The following MAGI2 variants were observed in gnomAD, a reference collection of about 807,000 sequenced individuals.
MAGI2 encodes membrane associated guanylate kinase, WW and PDZ domain containing 2, also known as membrane-associated guanylate kinase, WW and PDZ domain-containing protein 2.
In MAGI2, 35 loss-of-function variants were observed where a neutral mutation model predicts 133.3. The ratio of observed to expected loss-of-function variants is 0.26; its 90% CI spans 0.20 to 0.35. The LOEUF (loss-of-function observed/expected upper bound fraction) is 0.35. Ranked by LOEUF, MAGI2 falls within the 10% of genes least tolerant of loss-of-function variation. The pLI, the probability that MAGI2 is intolerant of heterozygous loss-of-function variation, is 1.00. For synonymous variants in MAGI2, 729 were observed against 710.6 expected, an observed-to-expected ratio of 1.03 and a Z score of -0.41; for missense variants, 1,636 against 1,863.4, an observed-to-expected ratio of 0.88 and a Z score of 2.25.
chr7:79,353,270 C>T (rs543515404), intron 1 of MAGI2: 5 of 325,380 alleles, frequency 1.5e-5, no homozygotes, highest in African/African-American at 1.1e-4. Context: ...CTTCTCAGCC[C>T]TGGCAGGGTG....
At chr7:78,049,960 C>T (rs578052236) in intron 21 of MAGI2, among the ~76,000 whole-genome samples, 2 of 152,164 alleles carry the variant, frequency 1.3e-5, no homozygotes, top group Non-Finnish European at 1.5e-5. Flanking sequence ...ATGAAATGCT[C>T]ACTCTAACAT....
chr7:78,928,320 A>G (rs549243132), intron 2 of MAGI2, among the ~76,000 whole-genome samples: 12 of 152,020 alleles, frequency 7.9e-5, no homozygotes, highest in African/African-American at 2.9e-4. Flanking sequence ...TATGACAAAG[A>G]GAGTCCCTTT....
intron 2 of MAGI2, among the ~76,000 whole-genome samples, chr7:79,003,008 A>G (rs142234889): frequency 6.6e-6 from 1 of 151,520 alleles, no homozygotes; most frequent in Non-Finnish European, 1.5e-5. Flanking sequence ...TGGGGCATGG[A>G]ACAGATTGAT....
In MAGI2 at chr7:78,656,564, G is replaced by A. The variant is rs569330091; in HGVS notation, c.419-29325C>T. Among the ~76,000 whole-genome samples the A allele has an allele frequency of 1.1e-4, 16 of 152,218 alleles. 1 individual carries two copies. In the South Asian group the frequency reaches 3.3e-3, roughly 32 times the overall value. Reference sequence around the variant, plus strand: ...GGGAAATGGGGAGATGCTGGTCAAAGAGTACAAAGTTGCAGTTATGTAAAA... The same window carrying A: ...GGGAAATGGGGAGATGCTGGTCAAAAAGTACAAAGTTGCAGTTATGTAAAA... On this transcript the variant is annotated intron_variant, in intron 2 of 21. Transcript: ENST00000354212.
intron 1 of MAGI2, chr7:79,409,855 T>C (rs1203037315): frequency 6.6e-6 from 1 of 152,162 alleles, no homozygotes; most frequent in South Asian, 2.1e-4. Flanking sequence ...TTAGTATTTT[T>C]TCTTATGAAA....
intron 6 of MAGI2, among the ~76,000 whole-genome samples, chr7:78,444,891 ATG>A (rs1787981688): frequency 6.9e-6 from 1 of 145,938 alleles, no homozygotes; most frequent in East Asian, 2.0e-4. Flanking sequence ...ATGTATACAT[ATG>A]TGTGTATATA....
At chr7:78,666,879 TC>T (rs1585022959) in intron 2 of MAGI2, among the ~76,000 whole-genome samples, 3 of 152,280 alleles carry the variant, frequency 2.0e-5, no homozygotes, top group Middle Eastern at 3.4e-3. Context: ...TATTGCTCTT[TC>T]TATTAACATC....
chr7:78,531,703 C>A (rs905414277), intron 3 of MAGI2, among the ~76,000 whole-genome samples: 1 of 152,158 alleles, frequency 6.6e-6, no homozygotes, highest in Non-Finnish European at 1.5e-5. Flanking sequence ...GAAAACTGAG[C>A]CTTTCAAGGA....
At chr7:79,265,586 G>A (rs938370331) in intron 1 of MAGI2, among the ~76,000 whole-genome samples, 2 of 152,114 alleles carry the variant, frequency 1.3e-5, no homozygotes, top group East Asian at 3.9e-4. Context: ...ATATGCATAT[G>A]TGTATGATCA....
At chr7:78,860,398 G>C (rs546421879) in intron 2 of MAGI2, among the ~76,000 whole-genome samples, 24 of 152,274 alleles carry the variant, frequency 1.6e-4, no homozygotes, top group Admixed American at 1.6e-3. Flanking sequence ...GGTCTTTGAT[G>C]ATGGTGACAT....
intron 2 of MAGI2, among the ~76,000 whole-genome samples, chr7:78,735,346 C>T (rs1377038193): frequency 6.6e-6 from 1 of 152,156 alleles, no homozygotes; most frequent in Non-Finnish European, 1.5e-5. Context: ...CAGATCTTCC[C>T]AGAAGTTTTA....
At chr7:78,978,668 G>A (rs1804504450) in intron 2 of MAGI2, among the ~76,000 whole-genome samples, 2 of 151,842 alleles carry the variant, frequency 1.3e-5, no homozygotes, top group Admixed American at 6.6e-5. Flanking sequence ...GTAGGTCAGA[G>A]GATCATAGGA....
At chr7:78,196,407 T>G (rs1828742995) in intron 11 of MAGI2, among the ~76,000 whole-genome samples, 1 of 152,262 alleles carries the variant, frequency 6.6e-6, no homozygotes, top group Non-Finnish European at 1.5e-5. Flanking sequence ...AAAAGTACAT[T>G]TAGTGAGTGA....
intron 16 of MAGI2, among the ~76,000 whole-genome samples, chr7:78,135,905 T>C (rs1822067054): frequency 6.6e-6 from 1 of 152,180 alleles, no homozygotes; most frequent in Non-Finnish European, 1.5e-5. Flanking sequence ...AATGCATTTA[T>C]TCAAATCTAC....
At position 78,330,575 on chromosome 7, in the gene MAGI2, G is replaced by A. The variant is rs1310067755; in HGVS notation, c.1408+13203C>T. ...GGAGCCTGCAGTGAGCCGAGATTGC[G>A]CCACTGCACTCCAGCCTGGGCGACA... is the stretch of plus-strand genomic sequence containing the variant. On this transcript the variant is annotated intron_variant, in intron 9 of 21. Coordinates refer to ENST00000354212, the MANE Select transcript of MAGI2 (RefSeq NM_012301.4). 5.5e-4 allele frequency among the ~76,000 whole-genome samples: 15 copies of A among 27,268 alleles called. 5 individuals are homozygous for A. The highest frequency in any genetic ancestry group is 2.8e-3 in the African/African-American group (15 of 5,296). 17.9% of individuals were successfully genotyped at this position (27,268 alleles called of 152,430 possible).
chr7:78,302,189 A>G (rs188988069), intron 9 of MAGI2, among the ~76,000 whole-genome samples: 2 of 152,192 alleles, frequency 1.3e-5, no homozygotes, highest in Non-Finnish European at 1.5e-5. Flanking sequence ...TGACTTAGCT[A>G]TTTCTTCCTA....
intron 6 of MAGI2, among the ~76,000 whole-genome samples, chr7:78,441,550 T>A (rs1008533381): frequency 1.3e-5 from 2 of 152,062 alleles, no homozygotes; most frequent in Non-Finnish European, 2.9e-5. Flanking sequence ...TAGAGGAGCA[T>A]CTGTGATTAG....
intron 4 of MAGI2, among the ~76,000 whole-genome samples, chr7:78,508,804 T>A (rs1795320510): frequency 6.6e-6 from 1 of 152,182 alleles, no homozygotes; most frequent in African/African-American, 2.4e-5. Flanking sequence ...TATATTTGAT[T>A]AGGAAGTGGC....
intron 2 of MAGI2, among the ~76,000 whole-genome samples, chr7:78,978,280 T>C (rs1218814080): frequency 2.0e-5 from 3 of 151,994 alleles, no homozygotes; most frequent in Admixed American, 1.3e-4. Context: ...TGCCCTTCCA[T>C]AGCTGAATAG....
Sources: gnomAD v4.1 joint callset for allele counts (sites outside exome capture counted in the v4.1 genomes callset) on GRCh38, gnomAD v4.1.1 for gene constraint, MANE v1.5 for transcripts, NCBI Gene and HGNC (gene_info 2026-07-23, HGNC 2026-07-21) for gene names.